The following FHIT variants were observed in gnomAD, a reference collection of about 807,000 sequenced individuals.
The protein encoded by FHIT is fragile histidine triad diadenosine triphosphatase, also known as bis(5'-adenosyl)-triphosphatase.
In FHIT, 19 loss-of-function variants were observed where a neutral mutation model predicts 17.9. The ratio of observed to expected loss-of-function variants is 1.06; its 90% CI spans 0.74 to 1.56. The LOEUF is 1.56. FHIT is among the 40% of genes most tolerant of loss of function. FHIT has a pLI of 0.00. For missense variants in FHIT, 248 were observed against 189.2 expected, an observed-to-expected ratio of 1.31 and a Z score of -1.82; for synonymous variants, 81 against 69.7, an observed-to-expected ratio of 1.16 and a Z score of -0.81.
chr3:60,280,062 C>A (rs1576413533), intron 5 of FHIT, among the ~76,000 whole-genome samples: 2 of 148,196 alleles, frequency 1.3e-5, no homozygotes, highest in East Asian at 2.0e-4. Flanking sequence ...TAGAAGAAAA[C>A]CAAACAACAA....
At chr3:60,028,350 T>C (rs1312206078) in intron 5 of FHIT, among the ~76,000 whole-genome samples, 1 of 152,302 alleles carries the variant, frequency 6.6e-6, no homozygotes, top group African/African-American at 2.4e-5. Context: ...TAACTCTGGG[T>C]CATTGGGTAA....
At chr3:61,194,847 T>C (rs938859274) in intron 2 of FHIT, among the ~76,000 whole-genome samples, 2 of 152,316 alleles carry the variant, frequency 1.3e-5, no homozygotes, top group South Asian at 2.1e-4. Context: ...AGAACACTTT[T>C]AGATCTTCAA....
intron 1 of FHIT, among the ~76,000 whole-genome samples, chr3:61,216,159 C>G (rs903481314): frequency 4.6e-5 from 7 of 152,034 alleles, no homozygotes; most frequent in African/African-American, 9.7e-5. Flanking sequence ...TAATTAAACT[C>G]AAGAGCTTCT....
intron 5 of FHIT, among the ~76,000 whole-genome samples, chr3:60,270,271 C>A (rs1371245688): frequency 6.6e-6 from 1 of 152,164 alleles, no homozygotes; most frequent in Admixed American, 6.5e-5. Flanking sequence ...CTTGCCTCCC[C>A]CAGTGAGGCT....
At chr3:60,863,295 G>A (rs554202438) in intron 3 of FHIT, among the ~76,000 whole-genome samples, 2 of 152,274 alleles carry the variant, frequency 1.3e-5, no homozygotes, top group Non-Finnish European at 2.9e-5. Context: ...ACCTGAACGA[G>A]TTTGGAAGTT....
At chr3:60,415,298 G>A (rs1403778242) in intron 5 of FHIT, among the ~76,000 whole-genome samples, 3 of 152,056 alleles carry the variant, frequency 2.0e-5, no homozygotes, top group African/African-American at 4.8e-5. Flanking sequence ...GAGAAAATGG[G>A]ATTCAGCAAA....
rs144469127 is a variant in FHIT at position 60,571,008 on chromosome 3, G to A, written c.-17-34029C>T. Among the ~76,000 whole-genome samples the A allele has an allele frequency of 4.9e-3, 744 of 152,032 alleles. 6 individuals carry two copies. Among genetic ancestry groups the A allele is most frequent in the African/African-American group, 0.017 (698 of 41,492 alleles). On this transcript the variant is annotated intron_variant, in intron 4 of 9. Transcript: ENST00000492590. ...TACTTAATAACTCCACTAAATAAATGGCACAACCACAAGCTGTTATTAGGA... is the reference window on the plus strand; with the variant it reads ...TACTTAATAACTCCACTAAATAAATAGCACAACCACAAGCTGTTATTAGGA...
At chr3:60,275,140 A>G (rs1707063702) in intron 5 of FHIT, among the ~76,000 whole-genome samples, 1 of 151,970 alleles carries the variant, frequency 6.6e-6, no homozygotes, top group Admixed American at 6.6e-5. Flanking sequence ...TCCCTTTGTG[A>G]AAATTTTGGA....
intron 4 of FHIT, among the ~76,000 whole-genome samples, chr3:60,685,474 C>A (rs1269887362): frequency 6.6e-6 from 1 of 152,066 alleles, no homozygotes; most frequent in Admixed American, 6.6e-5. Flanking sequence ...CTGGTACACT[C>A]CGTTTGAAGG....
intron 1 of FHIT, among the ~76,000 whole-genome samples, chr3:61,231,351 A>G (rs1203713305): frequency 6.6e-6 from 1 of 152,030 alleles, no homozygotes; most frequent in African/African-American, 2.4e-5. Context: ...AAAAATTGCT[A>G]GGTGTGGTGG....
intron 8 of FHIT, among the ~76,000 whole-genome samples, chr3:59,882,279 A>G (rs556024982): frequency 1.4e-3 from 209 of 152,334 alleles, no homozygotes; most frequent in Non-Finnish European, 2.4e-3. Context: ...TTGGAAGTAT[A>G]AAGTTAATAT....
chr3:60,048,073 C>G (rs1559581280), intron 5 of FHIT, among the ~76,000 whole-genome samples: 1 of 152,236 alleles, frequency 6.6e-6, no homozygotes, highest in South Asian at 2.1e-4. Context: ...CGTGTGTGCA[C>G]CTTCCTGGTA....
intron 5 of FHIT, among the ~76,000 whole-genome samples, chr3:60,136,245 A>G (rs1338477474): frequency 6.6e-6 from 1 of 152,150 alleles, no homozygotes; most frequent in Non-Finnish European, 1.5e-5. Context: ...GGAGAGCTCA[A>G]TGTCAAGGTT....
chr3:60,917,221 T>A (rs1387508314), intron 3 of FHIT, among the ~76,000 whole-genome samples: 1 of 152,134 alleles, frequency 6.6e-6, no homozygotes, highest in Non-Finnish European at 1.5e-5. Flanking sequence ...GTAAATAAAT[T>A]AGAAGGAATG....
At chr3:60,645,215 C>T (rs2107797661) in intron 4 of FHIT, among the ~76,000 whole-genome samples, 1 of 152,210 alleles carries the variant, frequency 6.6e-6, no homozygotes, top group Admixed American at 6.5e-5. Flanking sequence ...AGAACTGATC[C>T]CCAGGAAACA....
chr3:60,855,034 G>A (rs1433223136), intron 3 of FHIT, among the ~76,000 whole-genome samples: 3 of 152,056 alleles, frequency 2.0e-5, no homozygotes, highest in Admixed American at 1.3e-4. Flanking sequence ...CATCTCATTT[G>A]CTTTCATTTC....
chr3:60,531,823 G>A (rs746330633), intron 5 of FHIT, among the ~76,000 whole-genome samples: 4 of 152,104 alleles, frequency 2.6e-5, no homozygotes, highest in Non-Finnish European at 5.9e-5. Context: ...TCTGAAAACG[G>A]GGGAAACTTA....
chr3:59,759,823 G>A (rs1027022920), intron 8 of FHIT, among the ~76,000 whole-genome samples: 1 of 152,068 alleles, frequency 6.6e-6, no homozygotes, highest in Non-Finnish European at 1.5e-5. Context: ...GAATCACCAG[G>A]TGCTTTCACT....
intron 3 of FHIT, among the ~76,000 whole-genome samples, chr3:60,925,546 A>C (rs1707548438): frequency 6.6e-6 from 1 of 152,228 alleles, no homozygotes; most frequent in Admixed American, 6.5e-5. Context: ...GCCTTACAAG[A>C]GCTCCTGAAG....
Sources: allele counts gnomAD v4.1 joint callset (sites outside exome capture counted in the v4.1 genomes callset), GRCh38; gene constraint gnomAD v4.1.1; transcripts MANE v1.5; gene names NCBI Gene and HGNC (gene_info 2026-07-23, HGNC 2026-07-21).